Variants in ZC4H2 observed in about 807,000 individuals in gnomAD.
The protein encoded by ZC4H2 is zinc finger C4H2-type containing, also known as zinc finger C4H2 domain-containing protein.
For synonymous variants in ZC4H2, 84 were observed against 66.3 expected, an observed-to-expected ratio of 1.27 and a Z score of -1.30; for missense variants, 137 against 173.9, an observed-to-expected ratio of 0.79 and a Z score of 1.19.
At chrX:65,003,876 CAA>C (rs767902610) in intron 1 of ZC4H2, among the ~76,000 whole-genome samples, 10 of 73,604 alleles carry the variant, frequency 1.4e-4, no homozygotes, top group African/African-American at 3.0e-4. Context: ...AACTATGTCT[CAA>C]AAAAAAAAAA....
chrX:64,996,291 A>G (rs963189752), intron 1 of ZC4H2, among the ~76,000 whole-genome samples: 1 of 111,607 alleles, frequency 9.0e-6, no homozygotes, highest in African/African-American at 3.3e-5. Context: ...ACAGACAAGA[A>G]ATACAGTATC....
intron 1 of ZC4H2, among the ~76,000 whole-genome samples, chrX:64,935,516 G>C (rs1190822805): frequency 8.9e-6 from 1 of 111,985 alleles, no homozygotes; most frequent in Non-Finnish European, 1.9e-5. Flanking sequence ...TGACCCCCAT[G>C]TTTCCTGAGT....
chrX:64,962,578 C>A (rs1405828733), intron 1 of ZC4H2, among the ~76,000 whole-genome samples: 1 of 111,194 alleles, frequency 9.0e-6, no homozygotes. Context: ...ATAAAAGTCA[C>A]CAAAATTGAG....
At chrX:64,935,511 C>T (rs1179569687) in intron 1 of ZC4H2, among the ~76,000 whole-genome samples, 2 of 111,991 alleles carry the variant, frequency 1.8e-5, no homozygotes, top group African/African-American at 6.5e-5. Context: ...GTCCCTGACC[C>T]CCATGTTTCC....
At chrX:64,997,104 A>G (rs1932429654) in intron 1 of ZC4H2, among the ~76,000 whole-genome samples, 1 of 112,501 alleles carries the variant, frequency 8.9e-6, no homozygotes, top group Non-Finnish European at 1.9e-5. Flanking sequence ...GCAACAAGAG[A>G]AAAGCAACTC....
intron 1 of ZC4H2, among the ~76,000 whole-genome samples, chrX:65,003,593 G>A (rs1430732775): frequency 9.0e-6 from 1 of 111,386 alleles, no homozygotes; most frequent in Non-Finnish European, 1.9e-5. Context: ...AAATGACAAA[G>A]GGGGCCAGGC....
chrX:64,992,449 T>C (rs1932327749), intron 1 of ZC4H2, among the ~76,000 whole-genome samples: 1 of 111,626 alleles, frequency 9.0e-6, no homozygotes, highest in Non-Finnish European at 1.9e-5. Context: ...TATAATAACC[T>C]CTGCCCACTG....
intron 1 of ZC4H2, among the ~76,000 whole-genome samples, chrX:65,015,878 C>T (rs749328180): frequency 3.6e-5 from 4 of 110,956 alleles, no homozygotes; most frequent in African/African-American, 1.3e-4. Flanking sequence ...TCTTAGTCTT[C>T]TCCCTCCAAG....
At chrX:64,966,324 A>C (rs952762511) in intron 1 of ZC4H2, among the ~76,000 whole-genome samples, 1 of 112,653 alleles carries the variant, frequency 8.9e-6, no homozygotes, top group Non-Finnish European at 1.9e-5. Context: ...GAGGATGTAG[A>C]GAAACTGGGA....
At chrX:65,030,873 A>T (rs932656693) in intron 1 of ZC4H2, among the ~76,000 whole-genome samples, 1 of 111,202 alleles carries the variant, frequency 9.0e-6, no homozygotes, top group Non-Finnish European at 1.9e-5. Flanking sequence ...CAAGATTTCC[A>T]TCATGTTGGT....
At chrX:64,995,416 G>C (rs924377896) in intron 1 of ZC4H2, among the ~76,000 whole-genome samples, 1 of 112,194 alleles carries the variant, frequency 8.9e-6, no homozygotes, top group Non-Finnish European at 1.9e-5. Flanking sequence ...ACTCAGGCTG[G>C]AGTGCAGTCT....
At position 65,004,270 on chromosome X, in the gene ZC4H2, C is replaced by A. The variant is rs1209646703; in HGVS notation, c.-272+30359G>T. 2.7e-5 allele frequency among the ~76,000 whole-genome samples: 3 copies of A among 111,731 alleles called. No individual in the cohort carries two copies. The Admixed American group carries it at 2.8e-4, about 11-fold the overall frequency. On this transcript the variant is annotated intron_variant, in intron 1 of 4. Coordinates refer to the ZC4H2 transcript ENST00000337990. The stretch of plus-strand genomic sequence containing the variant: ...TCCTGATACCAAAACCTGGCACAGA[C>A]ATAAGAATAAAAGAAAATGTCGGGC...
chrX:64,951,856 T>C (rs910521992), intron 1 of ZC4H2, among the ~76,000 whole-genome samples: 6 of 111,672 alleles, frequency 5.4e-5, no homozygotes, highest in African/African-American at 2.0e-4. Flanking sequence ...CTTGGTGTTT[T>C]AGACATGAAG....
At chrX:64,928,627 TTTCTCCTTC>T (rs1366510720) in intron 1 of ZC4H2, among the ~76,000 whole-genome samples, 24 of 85,901 alleles carry the variant, frequency 2.8e-4, no homozygotes, top group Admixed American at 2.6e-3. Context: ...CTTTGCCTGC[TTTCTCCTTC>T]TTCTTCTTCT....
At chrX:64,977,190 T>G (rs981477884), upstream of ZC4H2, among the ~76,000 whole-genome samples, 1 of 111,423 alleles carries the variant, frequency 9.0e-6, no homozygotes, top group African/African-American at 3.3e-5. Flanking sequence ...AATACAGGAA[T>G]AGATAAGGTG....
intron 1 of ZC4H2, among the ~76,000 whole-genome samples, chrX:65,026,936 G>A (rs1932885795): frequency 8.9e-6 from 1 of 111,915 alleles, no homozygotes; most frequent in African/African-American, 3.3e-5. Context: ...AGTTGCTGCT[G>A]CCAACAGCTA....
chrX:64,959,346 T>A (rs1165074093), intron 1 of ZC4H2, among the ~76,000 whole-genome samples: 1 of 103,278 alleles, frequency 9.7e-6, no homozygotes, highest in East Asian at 3.0e-4. Context: ...TAGGACTTTC[T>A]TAGATTAGCA....
At chrX:64,954,390 T>G (rs865880788) in intron 1 of ZC4H2, among the ~76,000 whole-genome samples, 3 of 72,180 alleles carry the variant, frequency 4.2e-5, no homozygotes, top group African/African-American at 3.9e-4. Flanking sequence ...ATATTTATAA[T>G]TATATATATA....
At chrX:65,020,332 G>A (rs190015533) in intron 1 of ZC4H2, among the ~76,000 whole-genome samples, 7 of 111,934 alleles carry the variant, frequency 6.3e-5, no homozygotes, top group Admixed American at 4.7e-4. Flanking sequence ...GACTACAGCA[G>A]ATCTCTCAGT....
Sources: allele counts gnomAD v4.1 joint callset (sites outside exome capture counted in the v4.1 genomes callset), GRCh38; gene constraint gnomAD v4.1.1; transcripts MANE v1.5; gene names NCBI Gene and HGNC (gene_info 2026-07-23, HGNC 2026-07-21).